Variants in HMBOX1 observed in about 807,000 individuals in gnomAD.
HMBOX1 encodes the protein homeobox containing 1.
A neutral mutation model predicts 54.5 loss-of-function variants in HMBOX1; 14 were observed. The observed-to-expected ratio is 0.26, with a 90% CI of 0.17 to 0.40. The LOEUF is 0.40. Among genes scored for constraint, HMBOX1 ranks in the 10% least tolerant of loss-of-function variants. The pLI is 1.00. For missense variants in HMBOX1, 332 were observed against 514.4 expected, an observed-to-expected ratio of 0.65 and a Z score of 3.43; for synonymous variants, 160 against 181.0, an observed-to-expected ratio of 0.88 and a Z score of 0.93.
intron 3 of HMBOX1, among the ~76,000 whole-genome samples, chr8:28,974,582 A>G (rs764126522): frequency 1.5e-4 from 23 of 152,202 alleles, no homozygotes; most frequent in Non-Finnish European, 1.0e-4. Context: ...GATTATCTAT[A>G]GGCTAAGTAT....
intron 1 of HMBOX1, among the ~76,000 whole-genome samples, chr8:28,904,249 CTT>C (rs753359325): frequency 1.0e-4 from 14 of 139,372 alleles, no homozygotes; most frequent in Non-Finnish European, 1.3e-4. Context: ...TTCCAAATCT[CTT>C]TTTTTTTTTT....
intron 9 of HMBOX1, chr8:29,050,194 T>C: frequency 2.5e-5 from 25 of 982,416 alleles, no homozygotes; most frequent in Non-Finnish European, 2.9e-5. Context: ...TTTGTTTTTT[T>C]CCTTAAGGGA....
chr8:28,909,580 T>C (rs1308334088), intron 1 of HMBOX1, among the ~76,000 whole-genome samples: 1 of 152,188 alleles, frequency 6.6e-6, no homozygotes, highest in Non-Finnish European at 1.5e-5. Context: ...TATGTAGTAT[T>C]AGGAGTCATT....
At chr8:28,894,089 C>T (rs1811569554) in intron 1 of HMBOX1, among the ~76,000 whole-genome samples, 1 of 152,248 alleles carries the variant, frequency 6.6e-6, no homozygotes, top group South Asian at 2.1e-4. Context: ...TGTGAACCAG[C>T]TTTATTTAGT....
chr8:29,006,594 T>C (rs1226803989), intron 4 of HMBOX1, among the ~76,000 whole-genome samples: 1 of 152,236 alleles, frequency 6.6e-6, no homozygotes, highest in Non-Finnish European at 1.5e-5. Context: ...TTTGTTTGGT[T>C]GGTTCTGCTT....
At chr8:28,960,453 G>A (rs1023521738) in intron 1 of HMBOX1, among the ~76,000 whole-genome samples, 2 of 151,268 alleles carry the variant, frequency 1.3e-5, no homozygotes, top group Admixed American at 1.3e-4. Context: ...ATCAATTATG[G>A]TAATGGACAT....
rs562363725 is a variant in HMBOX1, at chr8:29,027,914, T to A, written c.851+9001T>A. On this transcript the variant is annotated intron_variant, in intron 6 of 9. Coordinates refer to ENST00000287701, the MANE Select transcript of HMBOX1 (RefSeq NM_001135726.3). ...TAATTAAAACTATTGCGTGTTTTAT[T>A]TTTCTTATGGATAAGTATATTGAAT... Among the ~76,000 whole-genome samples the A allele has an allele frequency of 3.9e-5, 6 of 152,344 alleles. No homozygotes were observed. In the East Asian group the frequency reaches 1.2e-3, roughly 29 times the overall value.
chr8:28,981,818 T>C (rs1457050751), intron 4 of HMBOX1, among the ~76,000 whole-genome samples: 1 of 152,170 alleles, frequency 6.6e-6, no homozygotes, highest in South Asian at 2.1e-4. Context: ...ACATGATACA[T>C]TAAATATAGT....
At chr8:29,024,054 C>A (rs1801635595) in intron 6 of HMBOX1, among the ~76,000 whole-genome samples, 1 of 152,144 alleles carries the variant, frequency 6.6e-6, no homozygotes, top group Admixed American at 6.5e-5. Flanking sequence ...AAATTTATTT[C>A]TTGTACATTA....
rs1188881498 is a variant in HMBOX1, at chr8:29,049,022, G to A, written c.1099G>A (p.Val367Ile). ...SPGGHSNSDDVDGNDYSEQDD... is the reference protein window; with the variant it reads ...SPGGHSNSDDIDGNDYSEQDD... ...AGGAGGCCACTCAAACAGTGATGAT[G>A]TCGACGGGAATGACTACTCTGAGCA... is the stretch of plus-strand genomic sequence containing the variant. The change falls in exon 9 of 10, where the codon GTC becomes ATC. Residue 367 changes from valine to isoleucine, a missense_variant. Coordinates refer to ENST00000287701, the MANE Select transcript of HMBOX1 (RefSeq NM_001135726.3). The A allele has an allele frequency of 6.2e-7, 1 of 1,613,946 alleles. No homozygotes were observed. The highest frequency in any genetic ancestry group is 1.3e-5 in the African/African-American group (1 of 74,906).
intron 1 of HMBOX1, among the ~76,000 whole-genome samples, chr8:28,923,945 T>A (rs1490837855): frequency 6.6e-6 from 1 of 152,206 alleles, no homozygotes; most frequent in Non-Finnish European, 1.5e-5. Flanking sequence ...CCTTTGCCCA[T>A]TTTTTAATTA....
intron 1 of HMBOX1, among the ~76,000 whole-genome samples, chr8:28,940,437 T>G (rs888185832): frequency 2.0e-5 from 3 of 152,238 alleles, no homozygotes; most frequent in African/African-American, 7.2e-5. Flanking sequence ...CAATACCCCA[T>G]TAGAATGTTT....
intron 1 of HMBOX1, chr8:28,891,393 T>C (rs563302607): frequency 6.6e-6 from 1 of 152,396 alleles, no homozygotes; most frequent in South Asian, 2.1e-4. Flanking sequence ...AAAGGAAAAG[T>C]GTTTCTTAAT....
intron 9 of HMBOX1, chr8:29,049,555 C>T (rs1196699859): frequency 1.8e-6 from 2 of 1,083,510 alleles, no homozygotes; most frequent in East Asian, 2.6e-5. Context: ...GTGGTTCTTC[C>T]AGAGTCTCTG....
intron 1 of HMBOX1, among the ~76,000 whole-genome samples, chr8:28,903,373 G>A (rs1302568400): frequency 6.6e-6 from 1 of 152,146 alleles, no homozygotes; most frequent in Non-Finnish European, 1.5e-5. Context: ...CCTCTTGTTT[G>A]GTGTTAGATT....
At chr8:29,003,765 C>CATAG (rs1413363007) in intron 4 of HMBOX1, among the ~76,000 whole-genome samples, 1 of 151,566 alleles carries the variant, frequency 6.6e-6, no homozygotes, top group African/African-American at 2.4e-5. Flanking sequence ...TAAATTTAAA[C>CATAG]ATAATTCTGC....
chr8:28,960,253 T>C (rs1271139875), intron 1 of HMBOX1, among the ~76,000 whole-genome samples: 1 of 152,056 alleles, frequency 6.6e-6, no homozygotes, highest in East Asian at 1.9e-4. Flanking sequence ...ATTTTTGTTA[T>C]GAAGAACAAT....
intron 4 of HMBOX1, among the ~76,000 whole-genome samples, chr8:29,003,047 T>C (rs1239564907): frequency 6.6e-6 from 1 of 152,020 alleles, no homozygotes; most frequent in Non-Finnish European, 1.5e-5. Context: ...AACATGCTTA[T>C]ACTACGGTTA....
chr8:29,036,108 A>G (rs544252598), intron 6 of HMBOX1, among the ~76,000 whole-genome samples: 4 of 152,310 alleles, frequency 2.6e-5, no homozygotes, highest in Non-Finnish European at 5.9e-5. Context: ...TTCTAAATCC[A>G]GTGTTATGCT....
Sources: allele counts gnomAD v4.1 joint callset (sites outside exome capture counted in the v4.1 genomes callset), GRCh38; gene constraint gnomAD v4.1.1; transcripts MANE v1.5; gene names NCBI Gene and HGNC (gene_info 2026-07-23, HGNC 2026-07-21).